The following CD99L2 variants were observed in gnomAD, a reference collection of about 807,000 sequenced individuals.
CD99L2 encodes CD99 molecule like 2, also known as CD99 antigen-like protein 2.
Under a neutral mutation model 27.3 loss-of-function variants are expected in CD99L2, and 24 were observed. The ratio of observed to expected loss-of-function variants is 0.88; its 90% CI spans 0.64 to 1.24. The LOEUF (loss-of-function observed/expected upper bound fraction) is 1.24. Ranked by LOEUF, CD99L2 falls within the 50% of genes most tolerant of loss-of-function variation. CD99L2 has a pLI of 0.00. For missense variants in CD99L2, 255 were observed against 221.6 expected (o/e 1.15, Z -0.96); for synonymous variants, 97 against 87.9 (o/e 1.10, Z -0.58).
At chrX:150,877,121 T>TAAAAAAAAAAA in intron 1 of CD99L2, among the ~76,000 whole-genome samples, 1 of 64,068 alleles carries the variant, frequency 1.6e-5, no homozygotes, top group African/African-American at 5.4e-5. Context: ...TGTCTCTTAA[T>TAAAAAAAAAAA]AAAAAAAAAA....
At chrX:150,875,382 GTTCA>G (rs782573700) in intron 1 of CD99L2, among the ~76,000 whole-genome samples, 13 of 112,011 alleles carry the variant, frequency 1.2e-4, no homozygotes, top group African/African-American at 6.5e-5. Flanking sequence ...ATTTGTGCGT[GTTCA>G]TTAAGTTCTA....
chrX:150,833,834 AAC>A (rs2046483025), intron 1 of CD99L2, among the ~76,000 whole-genome samples: 1 of 112,068 alleles, frequency 8.9e-6, no homozygotes, highest in African/African-American at 3.2e-5. Context: ...ACTAGAAAAA[AAC>A]ACAGGGAAAA....
intron 1 of CD99L2, among the ~76,000 whole-genome samples, chrX:150,865,396 G>C (rs1216458130): frequency 2.7e-5 from 3 of 111,729 alleles, no homozygotes; most frequent in African/African-American, 9.8e-5. Flanking sequence ...CTAGCTACTC[G>C]AGAGGCTCAG....
Position 150,768,325 on chromosome X carries a change from A to G in CD99L2, c.*709T>C, listed in dbSNP as rs1244129534. On this transcript the variant is annotated 3_prime_UTR_variant, in exon 11 of 11. Coordinates refer to ENST00000370377, the MANE Select transcript of CD99L2 (RefSeq NM_031462.4). ...GAATCAGATGGGAAACAGGCCTACGAATTGCTTCATACTTATCCGGAAGAT... is the reference window on the plus strand; with the variant it reads ...GAATCAGATGGGAAACAGGCCTACGGATTGCTTCATACTTATCCGGAAGAT... The G allele has an allele frequency of 8.9e-6, 1 of 112,486 alleles. No homozygotes were observed. Among genetic ancestry groups the G allele is most frequent in the African/African-American group, 3.2e-5 (1 of 30,897 alleles). 9.3% of individuals were successfully genotyped at this position (112,486 alleles called of 1,213,427 possible).
chrX:150,846,240 C>T (rs2046701089), intron 1 of CD99L2, among the ~76,000 whole-genome samples: 1 of 111,956 alleles, frequency 8.9e-6, no homozygotes, highest in Admixed American at 9.5e-5. Context: ...ATAAAAGATA[C>T]TACATGTTTG....
chrX:150,845,137 C>T (rs181400695), intron 1 of CD99L2, among the ~76,000 whole-genome samples: 51 of 111,743 alleles, frequency 4.6e-4, no homozygotes, highest in African/African-American at 1.5e-3. Context: ...ATGTCTACAA[C>T]GGTTGTTCAC....
chrX:150,859,804 ACT>A (rs781925218), intron 1 of CD99L2, among the ~76,000 whole-genome samples: 11 of 109,646 alleles, frequency 1.0e-4, no homozygotes, highest in African/African-American at 3.6e-4. Context: ...CGGCAGCAAA[ACT>A]CTGTCTTAAA....
chrX:150,842,594 C>A (rs782211200), intron 1 of CD99L2, among the ~76,000 whole-genome samples: 4 of 111,951 alleles, frequency 3.6e-5, no homozygotes, highest in Non-Finnish European at 7.5e-5. Context: ...TTGCTATCCA[C>A]TCCACTCAGT....
intron 1 of CD99L2, among the ~76,000 whole-genome samples, chrX:150,846,899 T>A (rs1319340314): frequency 8.9e-6 from 1 of 112,408 alleles, no homozygotes; most frequent in Non-Finnish European, 1.9e-5. Context: ...TAAACACCAA[T>A]GGATCCTGTG....
At chrX:150,838,918 TGGG>T (rs1211157850) in intron 1 of CD99L2, among the ~76,000 whole-genome samples, 922 of 31,960 alleles carry the variant, frequency 0.029, 22 homozygotes, top group African/African-American at 0.095. Flanking sequence ...AAAAAAAAAA[TGGG>T]GGGGGGGGTG....
chrX:150,851,948 G>A (rs1365015042), intron 1 of CD99L2, among the ~76,000 whole-genome samples: 2 of 111,893 alleles, frequency 1.8e-5, no homozygotes, highest in East Asian at 5.6e-4. Flanking sequence ...CATATTCACA[G>A]GTCCCAGAGA....
chrX:150,842,443 G>A (rs192151053), intron 1 of CD99L2, among the ~76,000 whole-genome samples: 1 of 112,124 alleles, frequency 8.9e-6, no homozygotes, highest in East Asian at 2.8e-4. Context: ...CCTTGTTAGA[G>A]AATTCCACCC....
intron 1 of CD99L2, among the ~76,000 whole-genome samples, chrX:150,849,982 A>C (rs1357204564): frequency 8.9e-6 from 1 of 111,808 alleles, no homozygotes; most frequent in East Asian, 2.8e-4. Flanking sequence ...AATACTACGC[A>C]AAATAAAATT....
chrX:150,802,872 T>C (rs1163642831), intron 4 of CD99L2, among the ~76,000 whole-genome samples: 12 of 73,882 alleles, frequency 1.6e-4, no homozygotes, highest in South Asian at 2.0e-3. Flanking sequence ...GGAGCCACCG[T>C]GCCCAGCCTT....
intron 1 of CD99L2, among the ~76,000 whole-genome samples, chrX:150,863,565 G>A (rs1251721769): frequency 1.8e-5 from 2 of 111,472 alleles, no homozygotes; most frequent in Non-Finnish European, 3.8e-5. Flanking sequence ...GGCATGAGCA[G>A]CCTTTCTTTT....
chrX:150,778,679 A>ATATATATAT (rs1569565875), intron 7 of CD99L2, among the ~76,000 whole-genome samples: 2 of 24,124 alleles, frequency 8.3e-5, no homozygotes, highest in African/African-American at 2.3e-4. Flanking sequence ...ATAATAAAAA[A>ATATATATAT]AAAAAAATAT....
intron 1 of CD99L2, among the ~76,000 whole-genome samples, chrX:150,853,515 T>TAGTGTTCG (rs1377029551): frequency 1.8e-5 from 2 of 111,070 alleles, no homozygotes; most frequent in Admixed American, 1.9e-4. Flanking sequence ...AGGTAAAGCA[T>TAGTGTTCG]AGTGTTCGAT....
chrX:150,866,028 G>A (rs1557422020), intron 1 of CD99L2, among the ~76,000 whole-genome samples: 1 of 111,976 alleles, frequency 8.9e-6, no homozygotes, highest in Admixed American at 9.5e-5. Flanking sequence ...GGCTGAAGTG[G>A]GAGAATCGCT....
At chrX:150,895,452 G>A (rs1266307838) in intron 1 of CD99L2, among the ~76,000 whole-genome samples, 3 of 111,524 alleles carry the variant, frequency 2.7e-5, no homozygotes, top group Non-Finnish European at 1.9e-5. Flanking sequence ...GCTAGAGCCT[G>A]GAAGGATTTC....
Sources: gnomAD v4.1 joint callset for allele counts (sites outside exome capture counted in the v4.1 genomes callset) on GRCh38, gnomAD v4.1.1 for gene constraint, MANE v1.5 for transcripts, NCBI Gene and HGNC (gene_info 2026-07-23, HGNC 2026-07-21) for gene names.